Variants in SEMA4B observed in about 807,000 individuals in gnomAD.
The protein encoded by SEMA4B is semaphorin-4B.
In SEMA4B, 55 loss-of-function variants were observed where a neutral mutation model predicts 88.1. The ratio of observed to expected loss-of-function variants is 0.62; its 90% CI spans 0.50 to 0.78. SEMA4B has a LOEUF of 0.78. SEMA4B is among the 30% of genes least tolerant of loss of function. The pLI is 0.00. For missense variants in SEMA4B, 1,062 were observed against 1,111.9 expected (o/e 0.96, Z 0.64); for synonymous variants, 525 against 473.6 (o/e 1.11, Z -1.41).
chr15:90,201,638 G>A lies in SEMA4B; in HGVS notation c.60G>A (p.Pro20=), dbSNP rs995159371. ...SWLAAPWGAL[P]PRPPLLLLLL... is the part of the protein sequence containing the mutation. ...TCGCCGCCCCATGGGGCGCGCTGCC[G>A]CCTCGGCCACCGCTGCTGCTGCTCC... Residue 20 remains proline (P), a synonymous_variant, in exon 1 of 14, where the codon CCG becomes CCA. Transcript: ENST00000411539. 1.3e-6 allele frequency: 2 copies of A among 1,516,720 alleles called. No individual in the cohort carries two copies. The highest frequency in any genetic ancestry group is 1.4e-5 in the African/African-American group (1 of 69,780). The allele number at this position is 1,516,720 out of a possible 1,614,324, so 94.0% of individuals were successfully genotyped here. A position where few individuals can be genotyped will look rare whatever the true frequency, so the allele number is the denominator to read the frequency against.
chr15:90,219,706 G>A, intron 3 of SEMA4B, 87 bp from the exon 4 acceptor site: 1 of 994,052 alleles, frequency 1.0e-6, no homozygotes, highest in South Asian at 1.5e-5. Context: ...CAGAGGCCGG[G>A]CCTGGGTGTG....
chr15:90,189,128 G>C (rs1470394155), intron 1 of SEMA4B, among the ~76,000 whole-genome samples: 1 of 151,978 alleles, frequency 6.6e-6, no homozygotes, highest in African/African-American at 2.4e-5. Flanking sequence ...AAGTGGGGGG[G>C]AGGAAGGAAA....
intron 1 of SEMA4B, among the ~76,000 whole-genome samples, chr15:90,205,445 G>A (rs964569452): frequency 4.6e-5 from 7 of 152,228 alleles, no homozygotes; most frequent in African/African-American, 9.6e-5. Flanking sequence ...CTCTAACTGC[G>A]GATGCTCAGA....
At position 90,221,601 on chromosome 15, in the gene SEMA4B, C is replaced by G; in HGVS notation, c.710-13C>G. On this transcript the variant is annotated splice_polypyrimidine_tract_variant and intron_variant, in intron 6 of 13. Coordinates refer to ENST00000411539, the MANE Select transcript of SEMA4B (RefSeq NM_198925.4). The stretch of plus-strand genomic sequence containing the variant: ...CCTGGGCTGACTCTGAGCTCCTGAC[C>G]TGGTCCCTACAGACCCAGCTTTTGT... 1 of 1,613,872 alleles carries G rather than the reference C, an allele frequency of 6.2e-7. No individual in the cohort carries two copies. The highest frequency in any genetic ancestry group is 1.7e-5 in the Admixed American group (1 of 60,020).
chr15:90,218,077 C>T (rs896018470), intron 3 of SEMA4B: 34 of 483,744 alleles, frequency 7.0e-5, no homozygotes, highest in South Asian at 5.2e-4. Flanking sequence ...ATGATCCGGT[C>T]TCACTGGGCT....
rs1961014464 is a variant in SEMA4B, at chr15:90,206,825, G to A, written c.157+5090G>A. ...TAAGGTTGATGACAAAAGAAACTGG[G>A]GGAATGGGTAGGTCTCTGTCAAATT... On this transcript the variant is annotated intron_variant, in intron 1 of 13. Coordinates refer to ENST00000411539, the MANE Select transcript of SEMA4B (RefSeq NM_198925.4). 4.1e-6 allele frequency: 3 copies of A among 728,676 alleles called. No homozygotes were observed. The South Asian group carries it at 4.1e-5, about 10-fold the overall frequency. The allele number at this position is 728,676 out of a possible 1,614,324, so 45.1% of individuals were successfully genotyped here. A position where few individuals can be genotyped will look rare whatever the true frequency, so the allele number is the denominator to read the frequency against.
rs1435574349 is a variant in SEMA4B at position 90,201,676 on chromosome 15, T to C, written c.98T>C (p.Leu33Pro). The C allele has an allele frequency of 1.3e-5, 19 of 1,515,040 alleles. No individual in the cohort carries two copies. The highest frequency in any genetic ancestry group is 1.6e-5 in the Non-Finnish European group (18 of 1,138,700). 93.8% of individuals were successfully genotyped at this position (1,515,040 alleles called of 1,614,324 possible). A position where few individuals can be genotyped will look rare whatever the true frequency, so the allele number is the denominator to read the frequency against. ...PPLLLLLLLL[L>P]LLQPPPPTWA... ...CTGCTGCTGCTCCTGCTGCTGCTGC[T>C]CCTGCTGCAGCCGCCGCCTCCGACC... is the stretch of plus-strand genomic sequence containing the variant. Residue 33 changes from leucine (L) to proline (P), a missense_variant, in exon 1 of 14, where the codon CTC becomes CCC. By Grantham distance (98) the Leu-to-Pro change is moderately conservative. Coordinates refer to ENST00000411539, the MANE Select transcript of SEMA4B (RefSeq NM_198925.4).
chr15:90,188,099 G>T (rs1347795312), intron 1 of SEMA4B, among the ~76,000 whole-genome samples: 1 of 150,658 alleles, frequency 6.6e-6, no homozygotes, highest in Non-Finnish European at 1.5e-5. Flanking sequence ...TGGGTGGATC[G>T]CTTGAGTCCA....
intron 1 of SEMA4B, among the ~76,000 whole-genome samples, chr15:90,194,579 G>A (rs940206697): frequency 3.3e-5 from 5 of 152,038 alleles, no homozygotes; most frequent in African/African-American, 1.2e-4. Flanking sequence ...CTTGATGGAG[G>A]TCTCTAGTGG....
upstream of SEMA4B, among the ~76,000 whole-genome samples, chr15:90,198,144 C>G (rs552414425): frequency 4.6e-5 from 7 of 151,876 alleles, no homozygotes; most frequent in African/African-American, 1.7e-4. Flanking sequence ...GTCTCGATCT[C>G]CTGACCTCGT....
At position 90,225,289 on chromosome 15, in the gene SEMA4B, C is replaced by T; in HGVS notation, c.1413C>T (p.Gly471=). ...YDVLFLGTGD[G]RLHKAVSVGP... is the part of the protein sequence containing the mutation. ...GTCCTGTCCACACCCCAGGTGACGG[C>T]CGGCTCCACAAGGCAGTGAGCGTGG... Residue 471 remains glycine, a synonymous_variant, in exon 11 of 14, where the codon GGC becomes GGT. Transcript: ENST00000411539. 6.4e-7 allele frequency: 1 copy of T among 1,556,986 alleles called. No homozygotes were observed. The highest frequency in any genetic ancestry group is 8.7e-7 in the Non-Finnish European group (1 of 1,150,682).
chr15:90,202,054 C>A (rs1207089316), intron 1 of SEMA4B, among the ~76,000 whole-genome samples: 1 of 152,260 alleles, frequency 6.6e-6, no homozygotes, highest in Non-Finnish European at 1.5e-5. Context: ...TTGATGCTGA[C>A]CAGAGCCGAC....
chr15:90,196,207 C>CTT (rs1567043275), intron 1 of SEMA4B, among the ~76,000 whole-genome samples: 4 of 151,862 alleles, frequency 2.6e-5, no homozygotes, highest in Non-Finnish European at 5.9e-5. Flanking sequence ...GGATTCCAGG[C>CTT]GTGAGCTGCT....
chr15:90,223,026 A>C (rs1458929941), intron 7 of SEMA4B, among the ~76,000 whole-genome samples: 2 of 144,886 alleles, frequency 1.4e-5, no homozygotes, highest in East Asian at 4.0e-4. Flanking sequence ...GCTGGTGTGC[A>C]GCGGTGAGAT....
At chr15:90,196,269 C>A (rs575682156) in intron 1 of SEMA4B, among the ~76,000 whole-genome samples, 1 of 152,012 alleles carries the variant, frequency 6.6e-6, no homozygotes, top group Non-Finnish European at 1.5e-5. Context: ...AGGAAAATTA[C>A]GTCAAATAGT....
At chr15:90,185,043 G>A (rs1333362629) in exon 1 of SEMA4B, 1 of 985,372 alleles carries the variant, frequency 1.0e-6, no homozygotes, top group Non-Finnish European at 1.2e-6. Flanking sequence ...GCGGCCCCGC[G>A]GGGGGCGATG....
At position 90,215,035 on chromosome 15, in the gene SEMA4B, G is replaced by A. The variant is rs935206309; in HGVS notation, c.158-2404G>A. On this transcript the variant is annotated intron_variant, in intron 1 of 13. Transcript: ENST00000411539. Reference sequence around the variant, plus strand: ...TTGCACTTTTTGCTTCCTCAGCTTCGTGAGACTGTTTGTGTGGTCATAACC... The same window carrying A: ...TTGCACTTTTTGCTTCCTCAGCTTCATGAGACTGTTTGTGTGGTCATAACC... 2.3e-5 allele frequency: 29 copies of A among 1,245,766 alleles called. No homozygotes were observed. The African/African-American group carries it at 2.8e-4, about 12-fold the overall frequency. The allele number at this position is 1,245,766 out of a possible 1,614,324, so 77.2% of individuals were successfully genotyped here. A position where few individuals can be genotyped will look rare whatever the true frequency, so the allele number is the denominator to read the frequency against.
In SEMA4B at chr15:90,228,745, C is replaced by A; in HGVS notation, c.*102C>A. ...CGCTCTGCTCTTCGTGGAACACGAC[C>A]GTGGTGCCCGGCCCTTGGGAGCCTT... On this transcript the variant is annotated 3_prime_UTR_variant, in exon 14 of 14. Transcript: ENST00000411539. The A allele has an allele frequency of 6.7e-7, 1 of 1,482,814 alleles. No individual in the cohort carries two copies. The highest frequency in any genetic ancestry group is 9.1e-7 in the Non-Finnish European group (1 of 1,095,274). 91.9% of individuals were successfully genotyped at this position (1,482,814 alleles called of 1,614,324 possible).
At position 90,185,924 on chromosome 15, in the gene SEMA4B, A is replaced by ATTTTTTTTTTTTTTTTT. The variant is rs398028319; in HGVS notation, c.-122+854_-122+870dup. 7.2e-5 allele frequency among the ~76,000 whole-genome samples: 4 copies of ATTTTTTTTTTTTTTTTT among 55,456 alleles called. 1 individual carries two copies. The highest frequency in any genetic ancestry group is 3.0e-4 in the African/African-American group (4 of 13,318). The allele number at this position is 55,456 out of a possible 152,430, so 36.4% of individuals were successfully genotyped here. A position where few individuals can be genotyped will look rare whatever the true frequency, so the allele number is the denominator to read the frequency against. Reference sequence around the variant, plus strand: ...CAGGCCATGGCCGTTTCTTTTGGTGATTTTTTTTTTTTTTTTTTTTTTTTT... The same window carrying ATTTTTTTTTTTTTTTTT: ...CAGGCCATGGCCGTTTCTTTTGGTGATTTTTTTTTTTTTTTTTTTTTTTTTTTTTTTTTTTTTTTTTT... On this transcript the variant is annotated intron_variant, in intron 1 of 14. Transcript: ENST00000332496.
Sources: gnomAD v4.1 joint callset for allele counts (sites outside exome capture counted in the v4.1 genomes callset) on GRCh38, gnomAD v4.1.1 for gene constraint, MANE v1.5 for transcripts, NCBI Gene and HGNC (gene_info 2026-07-23, HGNC 2026-07-21) for gene names.